Variants in KCND2 observed in about 807,000 individuals in gnomAD.
The protein encoded by KCND2 is A-type voltage-gated potassium channel KCND2.
Under a neutral mutation model 54.4 loss-of-function variants are expected in KCND2, and 16 were observed. The ratio of observed to expected loss-of-function variants is 0.29; its 90% CI spans 0.20 to 0.45. The LOEUF is 0.45. KCND2 is among the 20% of genes least tolerant of loss of function. The pLI is 1.00. For missense variants in KCND2, 486 were observed against 824.2 expected (o/e 0.59, Z 5.02); for synonymous variants, 317 against 310.7 (o/e 1.02, Z -0.21).
chr7:120,414,784 A>G (rs1198741495), intron 1 of KCND2, among the ~76,000 whole-genome samples: 3 of 152,116 alleles, frequency 2.0e-5, no homozygotes, highest in Non-Finnish European at 4.4e-5. Context: ...TTGTTGAAAT[A>G]TCCACATTTA....
chr7:120,376,789 A>G (rs1360694199), intron 1 of KCND2, among the ~76,000 whole-genome samples: 4 of 151,852 alleles, frequency 2.6e-5, no homozygotes. Context: ...GCATTAAAAA[A>G]TCAGCTATCC....
At chr7:120,618,701 ATTG>A (rs1554376121) in intron 1 of KCND2, among the ~76,000 whole-genome samples, 1 of 152,208 alleles carries the variant, frequency 6.6e-6, no homozygotes, top group Non-Finnish European at 1.5e-5. Flanking sequence ...TTTTTCAGTT[ATTG>A]TTTAATTTAG....
chr7:120,585,964 T>C (rs1792594560), intron 1 of KCND2, among the ~76,000 whole-genome samples: 1 of 152,152 alleles, frequency 6.6e-6, no homozygotes, highest in African/African-American at 2.4e-5. Flanking sequence ...GATTGATCCT[T>C]CAGCAGTCAT....
At chr7:120,721,419 T>C (rs1477657192) in intron 1 of KCND2, among the ~76,000 whole-genome samples, 1 of 152,194 alleles carries the variant, frequency 6.6e-6, no homozygotes, top group Non-Finnish European at 1.5e-5. Context: ...AGTATACTCA[T>C]TTAATTTTAG....
At chr7:120,515,606 T>G (rs1803184356) in intron 1 of KCND2, among the ~76,000 whole-genome samples, 1 of 152,074 alleles carries the variant, frequency 6.6e-6, no homozygotes, top group African/African-American at 2.4e-5. Context: ...TATGTTCCCC[T>G]GTTAATGCCT....
At chr7:120,325,202 TAA>T in intron 1 of KCND2, among the ~76,000 whole-genome samples, 2 of 87,232 alleles carry the variant, frequency 2.3e-5, no homozygotes, top group African/African-American at 4.0e-5. Flanking sequence ...GATTTTGGGC[TAA>T]GAGAATGGGG....
At chr7:120,377,947 A>G (rs1336762794) in intron 1 of KCND2, among the ~76,000 whole-genome samples, 1 of 151,866 alleles carries the variant, frequency 6.6e-6, no homozygotes, top group Non-Finnish European at 1.5e-5. Context: ...TGTGACCCCC[A>G]CTAAAGCAAT....
At chr7:120,417,790 T>C (rs913435876) in intron 1 of KCND2, among the ~76,000 whole-genome samples, 2 of 152,196 alleles carry the variant, frequency 1.3e-5, no homozygotes, top group African/African-American at 4.8e-5. Context: ...ATTTACAGTG[T>C]CAGTGGGAAC....
intron 1 of KCND2, among the ~76,000 whole-genome samples, chr7:120,497,150 A>T (rs913408291): frequency 1.3e-5 from 2 of 152,246 alleles, no homozygotes; most frequent in African/African-American, 4.8e-5. Flanking sequence ...GACTGAAATT[A>T]AAAATAAAGG....
At chr7:120,323,816 T>A (rs1799931149) in intron 1 of KCND2, among the ~76,000 whole-genome samples, 3 of 113,610 alleles carry the variant, frequency 2.6e-5, no homozygotes. Context: ...ATATACCCAG[T>A]AATGGGATGG....
intron 1 of KCND2, among the ~76,000 whole-genome samples, chr7:120,564,705 A>C (rs896141500): frequency 6.6e-6 from 1 of 152,170 alleles, no homozygotes; most frequent in African/African-American, 2.4e-5. Flanking sequence ...GAAATTATAT[A>C]AGCGTTAAAC....
In KCND2 at chr7:120,748,916, A is replaced by G. The variant is rs1029953275; in HGVS notation, c.*1058A>G. On this transcript the variant is annotated 3_prime_UTR_variant, in exon 6 of 6. Transcript: ENST00000331113. The stretch of plus-strand genomic sequence containing the variant: ...TTTCCTACTTTTGTATTTCCAAAAA[A>G]AATTATCTTGTAAGTAGCTTGTCAT... 1 of 151,956 alleles carries G rather than the reference A, an allele frequency of 6.6e-6. No homozygotes were observed. The highest frequency in any genetic ancestry group is 1.5e-5 in the Non-Finnish European group (1 of 67,874). 9.4% of individuals were successfully genotyped at this position (151,956 alleles called of 1,614,324 possible). A position where few individuals can be genotyped will look rare whatever the true frequency, so the allele number is the denominator to read the frequency against.
Position 120,504,316 on chromosome 7 carries a change from A to T in KCND2, c.1115+228569A>T, listed in dbSNP as rs193112121. 7.6e-4 allele frequency among the ~76,000 whole-genome samples: 116 copies of T among 152,108 alleles called. 3 individuals are homozygous for T. In the East Asian group the frequency reaches 0.014, roughly 18 times the overall value. On this transcript the variant is annotated intron_variant, in intron 1 of 5. Transcript: ENST00000331113. ...TATCAGAGAGTCCCTTATTAGGCTA[A>T]CAAAATTACTTCAACACAGTGAAGC...
chr7:120,648,287 A>G (rs947640204), intron 1 of KCND2, among the ~76,000 whole-genome samples: 2 of 152,108 alleles, frequency 1.3e-5, no homozygotes, highest in Non-Finnish European at 2.9e-5. Context: ...AGTGCAGGTC[A>G]AAAAAAGGAG....
chr7:120,688,233 G>T (rs183390302), intron 1 of KCND2, among the ~76,000 whole-genome samples: 2 of 152,244 alleles, frequency 1.3e-5, no homozygotes, highest in South Asian at 4.2e-4. Flanking sequence ...AACTTTTTCT[G>T]TTAAGTACCA....
At position 120,412,496 on chromosome 7, in the gene KCND2, T is replaced by C. The variant is rs919904469; in HGVS notation, c.1115+136749T>C. 2.0e-5 allele frequency among the ~76,000 whole-genome samples: 3 copies of C among 147,412 alleles called. No homozygotes were observed. The Admixed American group carries it at 2.0e-4, about 10-fold the overall frequency. On this transcript the variant is annotated intron_variant, in intron 1 of 5. Coordinates refer to ENST00000331113, the MANE Select transcript of KCND2 (RefSeq NM_012281.3). Reference sequence around the variant, plus strand: ...GACTCAAATTCATTATTTCCACCTTTCTTACTCCTTTAAAAATTACATATA... The same window carrying C: ...GACTCAAATTCATTATTTCCACCTTCCTTACTCCTTTAAAAATTACATATA...
intron 1 of KCND2, among the ~76,000 whole-genome samples, chr7:120,497,205 A>G (rs1359883184): frequency 6.6e-6 from 1 of 152,176 alleles, no homozygotes; most frequent in African/African-American, 2.4e-5. Flanking sequence ...ACATAAGAAC[A>G]CCCAATTCTA....
At chr7:120,667,852 G>GTT (rs923081623) in intron 1 of KCND2, among the ~76,000 whole-genome samples, 1 of 151,892 alleles carries the variant, frequency 6.6e-6, no homozygotes, top group African/African-American at 2.4e-5. Flanking sequence ...CTGATCTCAG[G>GTT]TTTTTTTCCC....
At chr7:120,342,590 A>C (rs963365595) in intron 1 of KCND2, among the ~76,000 whole-genome samples, 8 of 152,202 alleles carry the variant, frequency 5.3e-5, no homozygotes, top group Non-Finnish European at 8.8e-5. Flanking sequence ...AAGGTACAAC[A>C]GTCATAAGAA....
Sources: gnomAD v4.1 joint callset for allele counts (sites outside exome capture counted in the v4.1 genomes callset) on GRCh38, gnomAD v4.1.1 for gene constraint, MANE v1.5 for transcripts, NCBI Gene and HGNC (gene_info 2026-07-23, HGNC 2026-07-21) for gene names.